DTWD2: variants seen among roughly 807,000 people sequenced by gnomAD.
The protein encoded by DTWD2 is tRNA-uridine aminocarboxypropyltransferase 2.
Under a neutral mutation model 31.8 loss-of-function variants are expected in DTWD2, and 39 were observed. That is an observed-to-expected ratio of 1.22 (90% confidence interval 0.95 to 1.60). DTWD2 has a LOEUF of 1.60. Ranked by LOEUF, DTWD2 falls within the 40% of genes most tolerant of loss-of-function variation. DTWD2 has a pLI of 0.00. For synonymous variants in DTWD2, 180 were observed against 142.8 expected (o/e 1.26, Z -1.86); for missense variants, 515 against 381.5 (o/e 1.35, Z -2.92).
intron 1 of DTWD2, among the ~76,000 whole-genome samples, chr5:118,987,781 AC>A (rs1755461035): frequency 6.6e-6 from 1 of 152,224 alleles, no homozygotes; most frequent in Non-Finnish European, 1.5e-5. Flanking sequence ...ATGATAATTT[AC>A]CATGAAAACT....
chr5:118,972,734 T>G (rs1277838983), intron 1 of DTWD2, among the ~76,000 whole-genome samples: 1 of 152,200 alleles, frequency 6.6e-6, no homozygotes, highest in Non-Finnish European at 1.5e-5. Context: ...AATAAAATAC[T>G]GGCAAACTGA....
intron 1 of DTWD2, among the ~76,000 whole-genome samples, chr5:118,955,332 A>G (rs1561470101): frequency 6.6e-6 from 1 of 152,214 alleles, no homozygotes; most frequent in African/African-American, 2.4e-5. Flanking sequence ...TTACCTTACT[A>G]TCAATCTTTC....
intron 1 of DTWD2, among the ~76,000 whole-genome samples, chr5:118,960,022 A>G (rs1228204803): frequency 6.6e-6 from 1 of 152,182 alleles, no homozygotes; most frequent in East Asian, 1.9e-4. Flanking sequence ...ACCACTATAG[A>G]CTAGGCACTG....
chr5:118,949,666 GT>G (rs1478407065), intron 1 of DTWD2, among the ~76,000 whole-genome samples: 1 of 152,156 alleles, frequency 6.6e-6, no homozygotes. Flanking sequence ...GGGTGATTAG[GT>G]TTTAATGGGA....
rs1561437601 is a variant in DTWD2, at chr5:118,877,703, G to T, written c.598-29485C>A. 2.6e-5 allele frequency among the ~76,000 whole-genome samples: 4 copies of T among 152,098 alleles called. No homozygotes were observed. The East Asian group carries it at 7.7e-4, about 29-fold the overall frequency. ...TCCAGGCCAGGACAATCGAGCAAGA[G>T]AAAGAAATAAAGGGCATCCAAAAAG... On this transcript the variant is annotated intron_variant, in intron 4 of 5. Coordinates refer to ENST00000510708, the MANE Select transcript of DTWD2 (RefSeq NM_173666.4).
At chr5:118,874,418 TA>T (rs1407650625) in intron 4 of DTWD2, among the ~76,000 whole-genome samples, 9 of 152,178 alleles carry the variant, frequency 5.9e-5, no homozygotes, top group Admixed American at 3.3e-4. Context: ...GTTTGTTATT[TA>T]CAGAAGTACA....
chr5:118,874,663 A>G (rs1354681976), intron 4 of DTWD2, among the ~76,000 whole-genome samples: 2 of 152,238 alleles, frequency 1.3e-5, no homozygotes, highest in African/African-American at 4.8e-5. Context: ...GAATAGAGAA[A>G]AAAGAAAAGA....
intron 5 of DTWD2, among the ~76,000 whole-genome samples, chr5:118,843,754 A>C (rs1455711396): frequency 6.6e-6 from 1 of 152,248 alleles, no homozygotes; most frequent in Non-Finnish European, 1.5e-5. Flanking sequence ...GAAGAGAATG[A>C]ATTTTGGAAA....
At chr5:118,959,122 T>C (rs1379100114) in intron 1 of DTWD2, among the ~76,000 whole-genome samples, 1 of 152,070 alleles carries the variant, frequency 6.6e-6, no homozygotes, top group Non-Finnish European at 1.5e-5. Context: ...GGGAAATAAA[T>C]AAAAGACGTC....
chr5:118,960,977 T>G (rs1195693159), intron 1 of DTWD2, among the ~76,000 whole-genome samples: 1 of 152,114 alleles, frequency 6.6e-6, no homozygotes, highest in Non-Finnish European at 1.5e-5. Context: ...GTAGATACTA[T>G]GCTACTTACC....
At chr5:118,852,072 T>G (rs888191363) in intron 4 of DTWD2, among the ~76,000 whole-genome samples, 3 of 152,082 alleles carry the variant, frequency 2.0e-5, no homozygotes, top group Non-Finnish European at 4.4e-5. Flanking sequence ...ATATCAATAT[T>G]CCTTGCTAGG....
intron 2 of DTWD2, among the ~76,000 whole-genome samples, chr5:118,940,725 C>T (rs1754160124): frequency 6.6e-6 from 1 of 152,136 alleles, no homozygotes; most frequent in Admixed American, 6.5e-5. Context: ...AATTAACTTG[C>T]TCAAAGTTTC....
intron 4 of DTWD2, among the ~76,000 whole-genome samples, chr5:118,914,778 C>T (rs899651228): frequency 9.9e-5 from 15 of 152,126 alleles, no homozygotes; most frequent in African/African-American, 3.4e-4. Flanking sequence ...TCCAGGAATG[C>T]AGGCACAGTT....
rs1317184304 is a variant in DTWD2 at position 118,943,854 on chromosome 5, C to A, written c.309+705G>T. On this transcript the variant is annotated intron_variant, in intron 2 of 5. Coordinates refer to ENST00000510708, the MANE Select transcript of DTWD2 (RefSeq NM_173666.4). The stretch of plus-strand genomic sequence containing the variant: ...TTGAGAAATTTAAAAAATAATTATT[C>A]CTTCTTAGAAAGCTTGACTGCGTCT... 1.6e-4 allele frequency among the ~76,000 whole-genome samples: 24 copies of A among 152,174 alleles called. 1 individual carries two copies. Among genetic ancestry groups the A allele is most frequent in the Admixed American group, 1.4e-3 (22 of 15,276 alleles).
chr5:118,939,539 T>C (rs1193566339), intron 2 of DTWD2, among the ~76,000 whole-genome samples: 2 of 152,174 alleles, frequency 1.3e-5, no homozygotes, highest in African/African-American at 4.8e-5. Flanking sequence ...TACATTAATA[T>C]ATATAATGAT....
intron 1 of DTWD2, among the ~76,000 whole-genome samples, chr5:118,945,231 C>G (rs925796456): frequency 2.4e-4 from 37 of 152,082 alleles, no homozygotes; most frequent in African/African-American, 8.9e-4. Flanking sequence ...TTTCTTACTG[C>G]TTGTCATTTT....
At chr5:118,930,540 G>A (rs545821348) in intron 3 of DTWD2, among the ~76,000 whole-genome samples, 25 of 151,432 alleles carry the variant, frequency 1.7e-4, no homozygotes, top group African/African-American at 6.1e-4. Context: ...AAAAACCAGA[G>A]GAAAAAAAAA....
Position 118,975,526 on chromosome 5 carries a change from G to A in DTWD2, c.218+12768C>T, listed in dbSNP as rs567848246. 2.6e-5 allele frequency among the ~76,000 whole-genome samples: 4 copies of A among 152,222 alleles called. No homozygotes were observed. The South Asian group carries it at 6.2e-4, about 24-fold the overall frequency. ...TACCCACTTTCTGAAGCCTACTTAT[G>A]TCAATACATCAAACTCATTCTCCAT... On this transcript the variant is annotated intron_variant, in intron 1 of 5. Transcript: ENST00000510708.
chr5:118,847,684 G>T (rs1205947807), intron 5 of DTWD2, among the ~76,000 whole-genome samples: 1 of 151,050 alleles, frequency 6.6e-6, no homozygotes, highest in Non-Finnish European at 1.5e-5. Context: ...TTAGTATACG[G>T]CACCAAGGCA....
Sources: allele counts gnomAD v4.1 joint callset (sites outside exome capture counted in the v4.1 genomes callset), GRCh38; gene constraint gnomAD v4.1.1; transcripts MANE v1.5; gene names NCBI Gene and HGNC (gene_info 2026-07-23, HGNC 2026-07-21).